CAMK1: variants seen among roughly 807,000 people sequenced by gnomAD.
CAMK1 encodes calcium/calmodulin-dependent protein kinase type 1.
CAMK1 carries 39 observed loss-of-function variants against 49.1 expected under a neutral mutation model. The ratio of observed to expected loss-of-function variants is 0.79; its 90% CI spans 0.62 to 1.04. CAMK1 has a LOEUF of 1.04. Ranked by LOEUF, CAMK1 falls within the 50% of genes least tolerant of loss-of-function variation. The probability of loss-of-function intolerance (pLI) is 0.00; values close to 1 mark genes in which losing one functional copy is unlikely to be tolerated. For missense variants in CAMK1, 457 were observed against 472.2 expected, an observed-to-expected ratio of 0.97 and a Z score of 0.30; for synonymous variants, 192 against 185.2, an observed-to-expected ratio of 1.04 and a Z score of -0.30.
At chr3:9,767,117 GCA>G (rs2078176719) in intron 2 of CAMK1, among the ~76,000 whole-genome samples, 1 of 152,116 alleles carries the variant, frequency 6.6e-6, no homozygotes, top group South Asian at 2.1e-4. Context: ...TCTGACAAGT[GCA>G]CACCTACCCA....
At chr3:9,759,157 A>G in intron 10 of CAMK1, 1 of 1,529,436 alleles carries the variant, frequency 6.5e-7, no homozygotes, top group Non-Finnish European at 9.1e-7. Context: ...TTATTCCGCT[A>G]TGCCTCACTA....
chr3:9,761,724 C>T lies in CAMK1; in HGVS notation c.463G>A (p.Asp155Asn), dbSNP rs760416645. 8.1e-6 allele frequency: 13 copies of T among 1,614,116 alleles called. No individual in the cohort carries two copies. Among genetic ancestry groups the T allele is most frequent in the Non-Finnish European group, 1.0e-5 (12 of 1,180,012 alleles). Residue 155 changes from aspartate (D) to asparagine (N), a missense_variant, in exon 6 of 12, where the codon GAC becomes AAC. Asp to Asn is a conservative substitution (Grantham distance 23, BLOSUM62 1). Coordinates refer to ENST00000256460, the MANE Select transcript of CAMK1 (RefSeq NM_003656.5). ...AAGTCGGAGATCATGATTTTGGAGT[C>T]TTCATCCAGGCTGTAGTACAGCAGA... ...ENLLYYSLDE[D>N]SKIMISDFGL...
intron 5 of CAMK1, 86 bp from the exon 6 acceptor site, chr3:9,761,843 A>G: frequency 1.9e-6 from 3 of 1,541,578 alleles, no homozygotes; most frequent in Non-Finnish European, 2.6e-6. Flanking sequence ...ACCTTCTGAG[A>G]AATAATGGAT....
chr3:9,766,648 AAAGTT>A, intron 2 of CAMK1: 10 of 1,054,696 alleles, frequency 9.5e-6, no homozygotes, highest in Non-Finnish European at 1.2e-5. Context: ...TCATTTAACT[AAAGTT>A]AACTGATTAA....
At chr3:9,759,448 C>A (rs2077741000) in intron 10 of CAMK1, 40 bp downstream of exon 10, 1 of 1,613,600 alleles carries the variant, frequency 6.2e-7, no homozygotes, top group African/African-American at 1.3e-5. Context: ...GGGGAGGAGT[C>A]CTGGGGAGGC....
chr3:9,766,105 T>C (rs1430509819), intron 2 of CAMK1: 2 of 1,425,534 alleles, frequency 1.4e-6, no homozygotes, highest in African/African-American at 1.4e-5. Flanking sequence ...TAATTGGTCA[T>C]GTGATGCAAG....
intron 3 of CAMK1, among the ~76,000 whole-genome samples, chr3:9,764,633 T>TTG (rs1559702323): frequency 2.4e-4 from 36 of 147,556 alleles, no homozygotes; most frequent in African/African-American, 9.0e-4. Flanking sequence ...TTTTTGTTTT[T>TTG]TTTTTTTTTT....
chr3:9,761,456 C>G lies in CAMK1; in HGVS notation c.632+5G>C, dbSNP rs746753339. On this transcript the variant is annotated splice_donor_5th_base_variant and intron_variant, in intron 7 of 11. Transcript: ENST00000256460. ...CACAGCCTACCATGGCCAAGCCCCA[C>G]TTACAAGATGTAGGCGATGACACCT... The G allele has an allele frequency of 1.5e-5, 24 of 1,608,150 alleles. No homozygotes were observed. In the African/African-American group the frequency reaches 3.1e-4, roughly 21 times the overall value.
At chr3:9,765,976 C>G (rs779993028) in intron 2 of CAMK1, 86 bp from the exon 3 acceptor site, 1 of 1,614,222 alleles carries the variant, frequency 6.2e-7, no homozygotes, top group East Asian at 2.2e-5. Context: ...GGTTCTGTGA[C>G]CACTGCTGGA....
rs2125593286 is a variant in CAMK1 at position 9,765,774 on chromosome 3, A to G, written c.200T>C (p.Ile67Thr). 10 of 1,614,020 alleles carry G rather than the reference A, an allele frequency of 6.2e-6. No individual in the cohort carries two copies. The highest frequency in any genetic ancestry group is 1.7e-4 in the Middle Eastern group (1 of 6,060). The change falls in exon 3 of 12, where the codon ATT becomes ACT. Residue 67 changes from isoleucine (I) to threonine (T), a missense_variant. Transcript: ENST00000256460. ...GCCCACGCACTTGTGCAGGACAGCA[A>G]TCTCATTCTCCATGCTGCCTTCCTT... ...EGKEGSMENE[I>T]AVLHKIKHPN... is the part of the protein sequence containing the mutation.
intron 3 of CAMK1, among the ~76,000 whole-genome samples, chr3:9,764,610 CGTTTTTGTTTTTTTTTT>C (rs2078050550): frequency 2.3e-5 from 3 of 130,398 alleles, no homozygotes; most frequent in East Asian, 3.0e-4. Flanking sequence ...CTGCGCCTGG[CGTTTTTGTTTTTTTTTT>C]GTTTTTTTTT....
chr3:9,759,006 G>C, intron 10 of CAMK1: 1 of 635,552 alleles, frequency 1.6e-6, no homozygotes, highest in South Asian at 1.7e-5. Flanking sequence ...GATCAAGTTG[G>C]TGCTCCTCTG....
chr3:9,760,983 C>T (rs2077837137), intron 7 of CAMK1: 1 of 597,794 alleles, frequency 1.7e-6, no homozygotes. Flanking sequence ...GGCCTTTGCA[C>T]TTGCCATTGC....
In CAMK1 at chr3:9,762,951, TA is replaced by T. The variant is rs778507521; in HGVS notation, c.391del (p.Tyr131ThrfsTer29). ...GTGTACAATGCCCAGGTCATGCAGGTATTTCACAGCATCCAGCACCTGGAAG... is the reference window on the plus strand; with the variant it reads ...GTGTACAATGCCCAGGTCATGCAGGTTTTCACAGCATCCAGCACCTGGAAG... ...LIFQVLDAVK[Y>X]LHDLGIVHRD... On this transcript the variant is annotated frameshift_variant, in exon 5 of 12. Transcript: ENST00000256460. LOFTEE classifies it high-confidence loss of function. 2 of 1,614,116 alleles carry T rather than the reference TA, an allele frequency of 1.2e-6. No homozygotes were observed. Among genetic ancestry groups the T allele is most frequent in the South Asian group, 2.2e-5 (2 of 91,076 alleles).
chr3:9,757,710 T>C lies in CAMK1; in HGVS notation c.1030+19A>G, dbSNP rs778657888. The C allele has an allele frequency of 6.2e-7, 1 of 1,614,092 alleles. No homozygotes were observed. The highest frequency in any genetic ancestry group is 1.1e-5 in the South Asian group (1 of 91,082). The stretch of plus-strand genomic sequence containing the variant: ...CCTTTGTGGACCACCCATGCCCTTC[T>C]GCAGAGCCCGCTCCTCACCCCCAGC... On this transcript the variant is annotated intron_variant, in intron 11 of 11. Transcript: ENST00000256460. The surrounding 1 kb of genome is among the most constrained non-coding windows in gnomAD (Gnocchi z 4.5).
Position 9,760,696 on chromosome 3 carries a change from G to C in CAMK1, c.705C>G (p.Tyr235Ter). ...KLFEQILKAE[Y>*]EFDSPYWDDI... ...CGTCCCAGTAAGGAGAGTCAAACTC[G>C]TACTCGGCCTTCAAAATCTGTTCAA... The change falls in exon 8 of 12, where the codon TAC (tyrosine) becomes TAG (stop). Residue 235 changes from tyrosine (Y) to a stop codon, truncating the protein, a stop_gained. Transcript: ENST00000256460. LOFTEE classifies it high-confidence loss of function. 1 of 1,614,026 alleles carries C rather than the reference G, an allele frequency of 6.2e-7. No homozygotes were observed. The highest frequency in any genetic ancestry group is 8.5e-7 in the Non-Finnish European group (1 of 1,179,974).
intron 1 of CAMK1, 140 bp from the exon 2 acceptor site, chr3:9,767,921 CATTT>C (rs1324419020): frequency 1.0e-5 from 13 of 1,266,020 alleles, no homozygotes; most frequent in African/African-American, 7.5e-5. Flanking sequence ...AACAAACATT[CATTT>C]GTTTATTCAA....
At position 9,760,743 on chromosome 3, in the gene CAMK1, C is replaced by G; in HGVS notation, c.658G>C (p.Asp220His). The G allele has an allele frequency of 6.2e-7, 1 of 1,614,066 alleles. No individual in the cohort carries two copies. Among genetic ancestry groups the G allele is most frequent in the South Asian group, 1.1e-5 (1 of 91,076 alleles). ...ILLCGYPPFY[D>H]ENDAKLFEQI... ...TCAAAGAGTTTGGCATCATTCTCGTCATAGAAGGGAGGGTAACCGCAGAGC... is the reference window on the plus strand; with the variant it reads ...TCAAAGAGTTTGGCATCATTCTCGTGATAGAAGGGAGGGTAACCGCAGAGC... The change falls in exon 8 of 12, where the codon GAC becomes CAC. Residue 220 changes from aspartate to histidine, a missense_variant. Asp to His is a moderately conservative substitution (Grantham distance 81). Transcript: ENST00000256460.
chr3:9,763,459 A>G (rs2077990122), intron 3 of CAMK1, among the ~76,000 whole-genome samples: 1 of 150,658 alleles, frequency 6.6e-6, no homozygotes, highest in Non-Finnish European at 1.5e-5. Context: ...AGCCACCCCC[A>G]ACCCCCGACC....
Sources: gnomAD v4.1 joint callset for allele counts (sites outside exome capture counted in the v4.1 genomes callset) on GRCh38, gnomAD v4.1.1 for gene constraint, Gnocchi (gnomAD v3.1) non-coding constraint, MANE v1.5 for transcripts, NCBI Gene and HGNC (gene_info 2026-07-23, HGNC 2026-07-21) for gene names.